The following ANTXR1 variants were observed in gnomAD, a reference collection of about 807,000 sequenced individuals.
ANTXR1 encodes ANTXR cell adhesion molecule 1.
Under a neutral mutation model 78.1 loss-of-function variants are expected in ANTXR1, and 19 were observed. The observed-to-expected ratio is 0.24, with a 90% CI of 0.17 to 0.36. The LOEUF (loss-of-function observed/expected upper bound fraction) is 0.36, where lower values mean the gene tolerates loss of function less well. Among genes scored for constraint, ANTXR1 ranks in the 10% least tolerant of loss-of-function variants. The pLI is 1.00. For missense variants in ANTXR1, 518 were observed against 718.6 expected, an observed-to-expected ratio of 0.72 and a Z score of 3.19; for synonymous variants, 273 against 260.5, an observed-to-expected ratio of 1.05 and a Z score of -0.46.
chr2:69,117,874 T>C (rs542377539), intron 10 of ANTXR1, among the ~76,000 whole-genome samples: 1 of 152,268 alleles, frequency 6.6e-6, no homozygotes, highest in South Asian at 2.1e-4. Flanking sequence ...AAATATCCTC[T>C]GCCCCTCTCT....
At chr2:69,108,290 G>T (rs910429432) in intron 10 of ANTXR1, among the ~76,000 whole-genome samples, 4 of 152,122 alleles carry the variant, frequency 2.6e-5, no homozygotes, top group African/African-American at 9.7e-5. Flanking sequence ...AATAATGCTT[G>T]TGTCTTCCTG....
intron 6 of ANTXR1, among the ~76,000 whole-genome samples, chr2:69,073,753 C>A (rs781635886): frequency 1.3e-5 from 2 of 151,972 alleles, no homozygotes; most frequent in Non-Finnish European, 2.9e-5. Context: ...TTACGAAATT[C>A]TTTTCTTTCA....
chr2:69,020,394 C>CTGTTT (rs57902226), intron 1 of ANTXR1, among the ~76,000 whole-genome samples: 5,461 of 151,282 alleles, frequency 0.036, 342 homozygotes, highest in African/African-American at 0.12. Flanking sequence ...TAAGGCAAAA[C>CTGTTT]TGTTTTGTTT....
chr2:69,190,177 A>C (rs1674515848), intron 16 of ANTXR1, among the ~76,000 whole-genome samples: 1 of 152,330 alleles, frequency 6.6e-6, no homozygotes, highest in African/African-American at 2.4e-5. Context: ...ACAGAGACTG[A>C]GGGAGAGTGT....
chr2:69,231,140 T>A (rs1675588063), intron 17 of ANTXR1, among the ~76,000 whole-genome samples: 1 of 152,250 alleles, frequency 6.6e-6, no homozygotes, highest in Non-Finnish European at 1.5e-5. Flanking sequence ...CATGATCTCA[T>A]TCTTTTTTAT....
intron 17 of ANTXR1, among the ~76,000 whole-genome samples, chr2:69,223,252 G>A (rs1675365669): frequency 6.6e-6 from 1 of 152,204 alleles, no homozygotes; most frequent in South Asian, 2.1e-4. Flanking sequence ...GACATTAACA[G>A]ACCAAAGGAA....
At chr2:69,014,435 A>G (rs917783042) in intron 1 of ANTXR1, among the ~76,000 whole-genome samples, 2 of 152,132 alleles carry the variant, frequency 1.3e-5, no homozygotes, top group African/African-American at 4.8e-5. Flanking sequence ...GCTCTTGGCC[A>G]TTTGACTGGT....
chr2:69,149,133 C>T (rs1283168603), intron 12 of ANTXR1, among the ~76,000 whole-genome samples: 1 of 152,096 alleles, frequency 6.6e-6, no homozygotes, highest in African/African-American at 2.4e-5. Flanking sequence ...GGGCTTTATC[C>T]CAGAGCAGTC....
intron 12 of ANTXR1, among the ~76,000 whole-genome samples, chr2:69,148,402 G>A (rs890217925): frequency 1.3e-5 from 2 of 152,178 alleles, no homozygotes; most frequent in African/African-American, 4.8e-5. Flanking sequence ...CAGACACTCG[G>A]CTCTTCAGCA....
intron 8 of ANTXR1, among the ~76,000 whole-genome samples, chr2:69,089,140 AT>A (rs1288743224): frequency 6.6e-6 from 1 of 152,242 alleles, no homozygotes; most frequent in Non-Finnish European, 1.5e-5. Flanking sequence ...GAATCAAAGT[AT>A]AAAAATGCCA....
chr2:69,182,625 C>T lies in ANTXR1; in HGVS notation c.1318C>T (p.Pro440Ser), dbSNP rs753175700. The T allele has an allele frequency of 1.2e-6, 2 of 1,614,118 alleles. No homozygotes were observed. Among genetic ancestry groups the T allele is most frequent in the Non-Finnish European group, 1.7e-6 (2 of 1,180,022 alleles). ...AAATCTCAACAACAATATGCGTCGG[C>T]CTTCTTCCCCCCGGAAGTGGTACTC... Reference protein sequence around the residue: ...PRNLNNNMRRPSSPRKWYSPI... With the variant: ...PRNLNNNMRRSSSPRKWYSPI... Residue 440 changes from proline (P) to serine (S), a missense_variant, in exon 16 of 18, where the codon CCT becomes TCT. Physicochemically the swap from Pro to Ser is moderately conservative, Grantham distance 74. Transcript: ENST00000303714.
chr2:69,102,249 G>A (rs1027684189), intron 9 of ANTXR1, among the ~76,000 whole-genome samples: 1 of 152,218 alleles, frequency 6.6e-6, no homozygotes, highest in African/African-American at 2.4e-5. Context: ...AACAACTCCT[G>A]ACCTAAAGGA....
At chr2:69,103,288 T>C (rs1573881160) in intron 10 of ANTXR1, 1 of 374,712 alleles carries the variant, frequency 2.7e-6, no homozygotes, top group East Asian at 6.6e-5. Flanking sequence ...ACCGAGTGGC[T>C]CACTCTCAGG....
intron 13 of ANTXR1, among the ~76,000 whole-genome samples, 188 bp from the exon 14 acceptor site, chr2:69,170,060 C>T (rs1673937797): frequency 6.6e-6 from 1 of 152,208 alleles, no homozygotes; most frequent in Non-Finnish European, 1.5e-5. Context: ...CAGCCTGAGT[C>T]ATATGCTAAC....
intron 3 of ANTXR1, among the ~76,000 whole-genome samples, chr2:69,046,993 C>T (rs1310481920): frequency 6.6e-6 from 1 of 152,154 alleles, no homozygotes; most frequent in Non-Finnish European, 1.5e-5. Flanking sequence ...TACGGCTGAT[C>T]CTTGAACAAC....
intron 8 of ANTXR1, among the ~76,000 whole-genome samples, chr2:69,079,981 A>T (rs888900279): frequency 6.6e-6 from 1 of 152,226 alleles, no homozygotes; most frequent in African/African-American, 2.4e-5. Context: ...CCATCCCCAA[A>T]TGGAAATAAC....
At position 69,151,076 on chromosome 2, in the gene ANTXR1, C is replaced by T. The variant is rs79878243; in HGVS notation, c.952-1093C>T. ...GACAATGTAATGTCTACATAGTAAC[C>T]GATTGCGTAGTAATTCTGTAATGCA... On this transcript the variant is annotated intron_variant, in intron 12 of 17. Coordinates refer to ENST00000303714, the MANE Select transcript of ANTXR1 (RefSeq NM_032208.3). 6.1e-3 allele frequency among the ~76,000 whole-genome samples: 930 copies of T among 151,842 alleles called. 11 individuals are homozygous for T. Among genetic ancestry groups the T allele is most frequent in the African/African-American group, 0.022 (900 of 41,382 alleles).
At chr2:69,190,936 A>C (rs1674530882) in intron 16 of ANTXR1, among the ~76,000 whole-genome samples, 1 of 152,186 alleles carries the variant, frequency 6.6e-6, no homozygotes, top group Admixed American at 6.5e-5. Context: ...TGATTAGCAC[A>C]CACAGCTCTG....
intron 17 of ANTXR1, among the ~76,000 whole-genome samples, chr2:69,232,900 A>T (rs990615004): frequency 1.3e-5 from 2 of 152,186 alleles, no homozygotes; most frequent in African/African-American, 4.8e-5. Context: ...GGAAGGTTAG[A>T]ACATGAAAAT....
Sources: gnomAD v4.1 joint callset for allele counts (sites outside exome capture counted in the v4.1 genomes callset) on GRCh38, gnomAD v4.1.1 for gene constraint, MANE v1.5 for transcripts, NCBI Gene and HGNC (gene_info 2026-07-23, HGNC 2026-07-21) for gene names.